The following GRM8 variants were observed in gnomAD, a reference collection of about 807,000 sequenced individuals.
GRM8 encodes the protein metabotropic glutamate receptor 8.
Under a neutral mutation model 87.2 loss-of-function variants are expected in GRM8, and 47 were observed. The ratio of observed to expected loss-of-function variants is 0.54; its 90% CI spans 0.43 to 0.69. GRM8 has a LOEUF of 0.69. Ranked by LOEUF, GRM8 falls within the 30% of genes least tolerant of loss-of-function variation. The pLI is 0.00. For synonymous variants in GRM8, 396 were observed against 404.5 expected, an observed-to-expected ratio of 0.98 and a Z score of 0.25; for missense variants, 1,019 against 1,139.2, an observed-to-expected ratio of 0.89 and a Z score of 1.52.
chr7:126,558,987 G>A (rs865789554), intron 8 of GRM8, among the ~76,000 whole-genome samples: 1 of 151,992 alleles, frequency 6.6e-6, no homozygotes, highest in Admixed American at 6.6e-5. Flanking sequence ...AGAGAGAGAC[G>A]GGTACTGATG....
intron 6 of GRM8, among the ~76,000 whole-genome samples, chr7:126,863,794 T>C (rs1229591656): frequency 6.6e-6 from 1 of 152,102 alleles, no homozygotes; most frequent in Non-Finnish European, 1.5e-5. Context: ...TTTGTTAATG[T>C]TTTGCTTTGT....
At chr7:127,101,520 G>A (rs1411469290) in intron 3 of GRM8, among the ~76,000 whole-genome samples, 1 of 152,112 alleles carries the variant, frequency 6.6e-6, no homozygotes, top group Admixed American at 6.5e-5. Context: ...TTAAATATGT[G>A]TTGCATCTCC....
intron 7 of GRM8, among the ~76,000 whole-genome samples, chr7:126,696,580 G>A (rs952348923): frequency 2.6e-5 from 4 of 152,006 alleles, no homozygotes; most frequent in Admixed American, 1.3e-4. Flanking sequence ...TGAGAGAGAG[G>A]CAGAAGGTTT....
rs562875015 is a variant in GRM8 at position 127,222,758 on chromosome 7, C to A, written c.510+19937G>T. ...TTCTAATCCTTGCAACAGGTGGGGACAATACTGGTCAGAGAAGTTAAATAA... is the reference window on the plus strand; with the variant it reads ...TTCTAATCCTTGCAACAGGTGGGGAAAATACTGGTCAGAGAAGTTAAATAA... On this transcript the variant is annotated intron_variant, in intron 2 of 10. Transcript: ENST00000339582. 2.0e-5 allele frequency among the ~76,000 whole-genome samples: 3 copies of A among 152,176 alleles called. No homozygotes were observed. The East Asian group carries it at 5.8e-4, about 29-fold the overall frequency.
chr7:126,836,030 G>T (rs562109084), intron 6 of GRM8, among the ~76,000 whole-genome samples: 73 of 152,086 alleles, frequency 4.8e-4, no homozygotes, highest in Non-Finnish European at 7.8e-4. Context: ...TTCCTTCTTT[G>T]GTCAGTTCAT....
intron 8 of GRM8, among the ~76,000 whole-genome samples, chr7:126,547,406 A>C (rs1265668480): frequency 6.6e-6 from 1 of 152,062 alleles, no homozygotes; most frequent in African/African-American, 2.4e-5. Flanking sequence ...AATTTCTATT[A>C]AAAAATTCAG....
intron 6 of GRM8, among the ~76,000 whole-genome samples, chr7:126,858,520 A>G (rs141813810): frequency 9.2e-5 from 14 of 152,282 alleles, no homozygotes; most frequent in African/African-American, 3.1e-4. Flanking sequence ...AAGATCCTGC[A>G]CTTGGCTCCA....
At chr7:126,532,324 TG>T (rs945809311) in intron 9 of GRM8, among the ~76,000 whole-genome samples, 161 of 152,296 alleles carry the variant, frequency 1.1e-3, no homozygotes, top group African/African-American at 3.6e-3. Context: ...CTTCCACATA[TG>T]AAAAAGTAAC....
At chr7:127,230,021 G>A (rs1797583470) in intron 2 of GRM8, 3 of 152,070 alleles carry the variant, frequency 2.0e-5, no homozygotes, top group Admixed American at 6.5e-5. Context: ...AAAGCAAAAT[G>A]TTTTATCCTG....
At chr7:126,596,857 A>C (rs1477255869) in intron 8 of GRM8, among the ~76,000 whole-genome samples, 2 of 152,172 alleles carry the variant, frequency 1.3e-5, no homozygotes, top group African/African-American at 2.4e-5. Context: ...TATCATTGGA[A>C]AAAACTATGT....
chr7:126,935,629 T>C lies in GRM8; in HGVS notation c.728-30946A>G, dbSNP rs528191578. Among the ~76,000 whole-genome samples, 11 of 152,338 alleles carry C rather than the reference T, an allele frequency of 7.2e-5. No individual in the cohort carries two copies. The East Asian group carries it at 2.1e-3, about 29-fold the overall frequency. On this transcript the variant is annotated intron_variant, in intron 3 of 10. Transcript: ENST00000339582. Reference sequence around the variant, plus strand: ...TGTCAACTCACTGAATGGTGAGGGATGCAAAGGCACAGGTGTGCACACTAG... The same window carrying C: ...TGTCAACTCACTGAATGGTGAGGGACGCAAAGGCACAGGTGTGCACACTAG...
intron 6 of GRM8, among the ~76,000 whole-genome samples, chr7:126,865,543 A>C (rs1371408014): frequency 6.6e-6 from 1 of 152,288 alleles, no homozygotes; most frequent in East Asian, 1.9e-4. Context: ...ACCCAAAAAG[A>C]AGCCCTATTC....
chr7:126,636,247 T>G (rs990451191), intron 7 of GRM8, among the ~76,000 whole-genome samples: 2 of 152,092 alleles, frequency 1.3e-5, no homozygotes, highest in Non-Finnish European at 2.9e-5. Context: ...TTTTAAATTA[T>G]GAGAACAGCA....
At chr7:126,480,737 G>A (rs1806572606) in intron 9 of GRM8, among the ~76,000 whole-genome samples, 1 of 152,024 alleles carries the variant, frequency 6.6e-6, no homozygotes, top group South Asian at 2.1e-4. Context: ...TATAAAAATA[G>A]ATGCAAAAAT....
At chr7:126,823,035 A>C (rs536774628) in intron 6 of GRM8, among the ~76,000 whole-genome samples, 1 of 152,342 alleles carries the variant, frequency 6.6e-6, no homozygotes, top group African/African-American at 2.4e-5. Flanking sequence ...AATATGATTT[A>C]TTTTATGCCA....
intron 6 of GRM8, among the ~76,000 whole-genome samples, chr7:126,849,874 C>T (rs777026027): frequency 6.6e-5 from 10 of 152,160 alleles, no homozygotes; most frequent in South Asian, 2.1e-4. Flanking sequence ...AAAAAGAACA[C>T]GGCCCCAACA....
At chr7:126,758,491 A>G (rs1817249314) in intron 7 of GRM8, among the ~76,000 whole-genome samples, 1 of 152,192 alleles carries the variant, frequency 6.6e-6, no homozygotes, top group African/African-American at 2.4e-5. Context: ...CTGAGTGATC[A>G]CAAGGGCAAA....
At chr7:127,121,425 C>A (rs1192741515) in intron 2 of GRM8, among the ~76,000 whole-genome samples, 1 of 152,116 alleles carries the variant, frequency 6.6e-6, no homozygotes, top group African/African-American at 2.4e-5. Flanking sequence ...CAAAGAAGCT[C>A]ATTTCCCATG....
chr7:126,680,298 C>T (rs1807408961), intron 7 of GRM8, among the ~76,000 whole-genome samples: 1 of 152,154 alleles, frequency 6.6e-6, no homozygotes, highest in Non-Finnish European at 1.5e-5. Flanking sequence ...CCTGCCTGAC[C>T]AGCCTGCTCA....
Sources: allele counts gnomAD v4.1 joint callset (sites outside exome capture counted in the v4.1 genomes callset), GRCh38; gene constraint gnomAD v4.1.1; transcripts MANE v1.5; gene names NCBI Gene and HGNC (gene_info 2026-07-23, HGNC 2026-07-21).